The following MAGI2 variants were observed in gnomAD, a reference collection of about 807,000 sequenced individuals.
MAGI2 encodes the protein membrane associated guanylate kinase, WW and PDZ domain containing 2, also known as membrane-associated guanylate kinase, WW and PDZ domain-containing protein 2.
A neutral mutation model predicts 133.3 loss-of-function variants in MAGI2; 35 were observed. That is an observed-to-expected ratio of 0.26 (90% CI 0.20 to 0.35). MAGI2 has a LOEUF of 0.35. MAGI2 is among the 10% of genes least tolerant of loss of function. The pLI is 1.00. For missense variants in MAGI2, 1,636 were observed against 1,863.4 expected (o/e 0.88, Z 2.25); for synonymous variants, 729 against 710.6 (o/e 1.03, Z -0.41).
intron 6 of MAGI2, among the ~76,000 whole-genome samples, chr7:78,459,832 T>C (rs1789770246): frequency 6.6e-6 from 1 of 152,264 alleles, no homozygotes; most frequent in South Asian, 2.1e-4. Context: ...GTGTTTTACA[T>C]TTATTTAAGC....
chr7:78,993,092 A>T (rs1337462359), intron 2 of MAGI2, among the ~76,000 whole-genome samples: 1 of 152,044 alleles, frequency 6.6e-6, no homozygotes, highest in East Asian at 1.9e-4. Context: ...CATGTACTTA[A>T]AGTGTCTCAT....
intron 6 of MAGI2, among the ~76,000 whole-genome samples, chr7:78,406,844 T>C (rs1583941829): frequency 6.6e-6 from 1 of 152,222 alleles, no homozygotes; most frequent in Admixed American, 6.6e-5. Context: ...TCAATGTCTA[T>C]TGACATATAA....
intron 4 of MAGI2, among the ~76,000 whole-genome samples, chr7:78,507,052 A>G (rs1795151486): frequency 6.6e-6 from 1 of 152,216 alleles, no homozygotes; most frequent in Non-Finnish European, 1.5e-5. Context: ...CAAGCATTAA[A>G]GTAGCAAACA....
chr7:79,192,843 A>G (rs1467934171), intron 1 of MAGI2, among the ~76,000 whole-genome samples: 1 of 151,912 alleles, frequency 6.6e-6, no homozygotes, highest in African/African-American at 2.4e-5. Flanking sequence ...TTATATTTTT[A>G]CAATCTCACT....
intron 9 of MAGI2, among the ~76,000 whole-genome samples, chr7:78,311,131 T>C (rs956230281): frequency 2.6e-5 from 4 of 152,136 alleles, no homozygotes; most frequent in African/African-American, 9.7e-5. Flanking sequence ...TCACCTTACA[T>C]TACACAGCTA....
intron 21 of MAGI2, among the ~76,000 whole-genome samples, chr7:78,074,701 G>A (rs1158279056): frequency 6.6e-6 from 1 of 152,142 alleles, no homozygotes; most frequent in Non-Finnish European, 1.5e-5. Context: ...GTTTATCTTA[G>A]ACAAAAAGAA....
rs186869132 is a variant in MAGI2, at chr7:78,292,901, A to G, written c.1409-36320T>C. Among the ~76,000 whole-genome samples, 561 of 152,234 alleles carry G rather than the reference A, an allele frequency of 3.7e-3. 4 individuals carry two copies. The highest frequency in any genetic ancestry group is 0.013 in the African/African-American group (527 of 41,516). ...GCCATATGTAGAAAGCTGAAACTGGACCCCTTCCTTACATCTTATACAAAA... is the reference window on the plus strand; with the variant it reads ...GCCATATGTAGAAAGCTGAAACTGGGCCCCTTCCTTACATCTTATACAAAA... On this transcript the variant is annotated intron_variant, in intron 9 of 21. Coordinates refer to ENST00000354212, the MANE Select transcript of MAGI2 (RefSeq NM_012301.4).
chr7:78,135,242 A>G (rs781180625), intron 16 of MAGI2, 36 bp from the exon 17 acceptor site: 3 of 1,531,608 alleles, frequency 2.0e-6, no homozygotes, highest in Non-Finnish European at 2.7e-6. Context: ...TATCAGGGAC[A>G]TCACCAATAC....
At chr7:78,376,055 T>A (rs969348332) in intron 6 of MAGI2, among the ~76,000 whole-genome samples, 32 of 137,638 alleles carry the variant, frequency 2.3e-4, no homozygotes, top group African/African-American at 8.1e-4. Flanking sequence ...TCTTTTTTTT[T>A]AAAAGCTAAA....
chr7:78,422,083 T>C (rs1798852627), intron 6 of MAGI2, among the ~76,000 whole-genome samples: 1 of 152,164 alleles, frequency 6.6e-6, no homozygotes, highest in Non-Finnish European at 1.5e-5. Flanking sequence ...CTCAAGCAGG[T>C]CCTGGTAGTC....
chr7:78,620,421 TAGCA>T (rs1807602440), intron 3 of MAGI2, among the ~76,000 whole-genome samples: 1 of 152,056 alleles, frequency 6.6e-6, no homozygotes, highest in African/African-American at 2.4e-5. Context: ...TCTGTCATCA[TAGCA>T]GTGTTTAGCT....
chr7:78,612,441 T>C (rs1191346142), intron 3 of MAGI2, among the ~76,000 whole-genome samples: 2 of 152,094 alleles, frequency 1.3e-5, no homozygotes, highest in South Asian at 2.1e-4. Context: ...CGGGATGCTT[T>C]ATAAATAAAG....
intron 1 of MAGI2, among the ~76,000 whole-genome samples, chr7:79,248,444 G>A (rs1266738510): frequency 1.3e-5 from 2 of 152,134 alleles, no homozygotes; most frequent in African/African-American, 2.4e-5. Context: ...CACATTTTCA[G>A]CATTGGACAG....
At chr7:79,139,692 A>G (rs576693171) in intron 1 of MAGI2, 3 of 152,350 alleles carry the variant, frequency 2.0e-5, no homozygotes, top group African/African-American at 4.8e-5. Context: ...ATGAAGATAC[A>G]TGTCTACTTC....
At chr7:78,973,907 C>A (rs755169166) in intron 2 of MAGI2, among the ~76,000 whole-genome samples, 1 of 151,782 alleles carries the variant, frequency 6.6e-6, no homozygotes, top group Non-Finnish European at 1.5e-5. Flanking sequence ...ATCTAAGTTG[C>A]GCATCTGGAG....
At chr7:78,358,208 T>A (rs1325175310) in intron 7 of MAGI2, 2 of 44,096 alleles carry the variant, frequency 4.5e-5, no homozygotes, top group African/African-American at 1.1e-4. Flanking sequence ...TATATATATA[T>A]ATATATATAT....
chr7:79,053,209 G>A lies in MAGI2; in HGVS notation c.302-46003C>T, dbSNP rs188101675. ...AGGATGGTCTCGATCTCCTGACCTC[G>A]TGATCCACCCATCTTGGCCTCCCGA... On this transcript the variant is annotated intron_variant, in intron 1 of 21. Transcript: ENST00000354212. Among the ~76,000 whole-genome samples, 39 of 152,094 alleles carry A rather than the reference G, an allele frequency of 2.6e-4. No homozygotes were observed. The East Asian group carries it at 6.2e-3, about 24-fold the overall frequency.
Position 78,555,133 on chromosome 7 carries a change from G to GAAATAAATAAAT in MAGI2, c.539-33500_539-33489dup, listed in dbSNP as rs199696275. The stretch of plus-strand genomic sequence containing the variant: ...TAGGTGACAGAGTGAGGCACTGTCA[G>GAAATAAATAAAT]AAATAAATAAATAAATAAATAAATA... On this transcript the variant is annotated intron_variant, in intron 3 of 21. Coordinates refer to ENST00000354212, the MANE Select transcript of MAGI2 (RefSeq NM_012301.4). 4.8e-3 allele frequency among the ~76,000 whole-genome samples: 625 copies of GAAATAAATAAAT among 130,152 alleles called. 3 individuals carry two copies. The highest frequency in any genetic ancestry group is 9.9e-3 in the East Asian group (43 of 4,362). The allele number at this position is 130,152 out of a possible 152,430, so 85.4% of individuals were successfully genotyped here.
chr7:79,168,628 A>C (rs1199216701), intron 1 of MAGI2, among the ~76,000 whole-genome samples: 3 of 152,010 alleles, frequency 2.0e-5, no homozygotes, highest in Non-Finnish European at 4.4e-5. Flanking sequence ...CCTGTTAAAC[A>C]GTGTAGGTCA....
Sources: gnomAD v4.1 joint callset for allele counts (sites outside exome capture counted in the v4.1 genomes callset) on GRCh38, gnomAD v4.1.1 for gene constraint, MANE v1.5 for transcripts, NCBI Gene and HGNC (gene_info 2026-07-23, HGNC 2026-07-21) for gene names.